ABLIM1: variants seen among roughly 807,000 people sequenced by gnomAD.
The protein encoded by ABLIM1 is actin binding LIM protein 1, also known as actin-binding LIM protein 1.
In ABLIM1, 40 loss-of-function variants were observed where a neutral mutation model predicts 107.0. That is an observed-to-expected ratio of 0.37 (90% CI 0.29 to 0.49). ABLIM1 has a LOEUF of 0.49. Ranked by LOEUF, ABLIM1 falls within the 20% of genes least tolerant of loss-of-function variation. The pLI is 0.97. For synonymous variants in ABLIM1, 357 were observed against 357.3 expected (o/e 1.00, Z 0.01); for missense variants, 857 against 1,008.5 (o/e 0.85, Z 2.04).
intron 8 of ABLIM1, among the ~76,000 whole-genome samples, chr10:114,482,835 A>G (rs924225520): frequency 1.3e-5 from 2 of 152,224 alleles, no homozygotes; most frequent in Non-Finnish European, 2.9e-5. Context: ...GGCAAACTAA[A>G]AAATTTCACA....
intron 6 of ABLIM1, among the ~76,000 whole-genome samples, chr10:114,542,589 G>GGAGGAA (rs1565882537): frequency 8.0e-5 from 12 of 150,008 alleles, no homozygotes; most frequent in Middle Eastern, 3.2e-3. Flanking sequence ...AGGAGGAGGA[G>GGAGGAA]GAAGGAGGAA....
At chr10:114,775,753 C>A in the ABLIM1 span, among the ~76,000 whole-genome samples, 1 of 152,186 alleles carries the variant, frequency 6.6e-6, no homozygotes, top group Non-Finnish European at 1.5e-5. Context: ...AACTCCAAAT[C>A]TAACATTTGT....
chr10:114,622,182 T>C (rs1467838071), intron 1 of ABLIM1, among the ~76,000 whole-genome samples: 1 of 151,710 alleles, frequency 6.6e-6, no homozygotes, highest in Non-Finnish European at 1.5e-5. Flanking sequence ...TCTCTCCCAT[T>C]CCCCATCAGA....
chr10:114,783,624 T>C, the ABLIM1 span, among the ~76,000 whole-genome samples: 1 of 151,288 alleles, frequency 6.6e-6, no homozygotes, highest in Non-Finnish European at 1.5e-5. Flanking sequence ...CAGGAGTGGG[T>C]GGTATTGAAT....
Position 114,701,978 on chromosome 10 carries a change from G to A in ABLIM1, c.-213+66083C>T, listed in dbSNP as rs563698077. Among the ~76,000 whole-genome samples, 5 of 152,248 alleles carry A rather than the reference G, an allele frequency of 3.3e-5. No individual in the cohort carries two copies. The South Asian group carries it at 8.3e-4, about 25-fold the overall frequency. ...GCAGAGTGTTGAAGCTGGGCGATGG[G>A]TACTTGAGGTTCATTATACTATTTT... On this transcript the variant is annotated intron_variant, in intron 1 of 15. Transcript: ENST00000651092.
intron 4 of ABLIM1, among the ~76,000 whole-genome samples, chr10:114,560,274 A>C (rs1476224524): frequency 6.7e-6 from 1 of 149,404 alleles, no homozygotes; most frequent in African/African-American, 2.5e-5. Flanking sequence ...ATGGATAAAC[A>C]AAATGTGATA....
At chr10:114,689,416 C>T (rs1332123553), upstream of ABLIM1, among the ~76,000 whole-genome samples, 11 of 143,446 alleles carry the variant, frequency 7.7e-5, no homozygotes, top group Admixed American at 6.4e-4. Context: ...GGCTGGAGTG[C>T]AGTGGCTCGA....
intron 1 of ABLIM1, among the ~76,000 whole-genome samples, chr10:114,748,471 A>G (rs1039364363): frequency 2.0e-5 from 3 of 152,004 alleles, no homozygotes; most frequent in Non-Finnish European, 2.9e-5. Context: ...GTTTTAATAT[A>G]GCCCTGAGTC....
intron 2 of ABLIM1, among the ~76,000 whole-genome samples, chr10:114,587,445 T>A (rs550686725): frequency 3.6e-4 from 55 of 152,320 alleles, no homozygotes; most frequent in African/African-American, 1.3e-3. Flanking sequence ...GATTTTTTTT[T>A]AATTTTCCAC....
Position 114,621,117 on chromosome 10 carries a change from C to T in ABLIM1, c.245-19156G>A, listed in dbSNP as rs80306995. ...CATACTTTATTGCTTCTGTTTTACCCACTTGAGTCCCTTTCTCGCCATCCT... is the reference window on the plus strand; with the variant it reads ...CATACTTTATTGCTTCTGTTTTACCTACTTGAGTCCCTTTCTCGCCATCCT... On this transcript the variant is annotated intron_variant, in intron 1 of 22. Coordinates refer to ENST00000533213, the MANE Select transcript of ABLIM1 (RefSeq NM_002313.7). 1.8e-4 allele frequency among the ~76,000 whole-genome samples: 27 copies of T among 152,336 alleles called. 1 individual carries two copies. The East Asian group carries it at 5.0e-3, about 28-fold the overall frequency.
intron 4 of ABLIM1, among the ~76,000 whole-genome samples, chr10:114,556,594 G>A (rs1591173989): frequency 6.6e-6 from 1 of 152,312 alleles, no homozygotes; most frequent in African/African-American, 2.4e-5. Flanking sequence ...GAGTTGGGCA[G>A]CAGTTTTGAC....
intron 4 of ABLIM1, among the ~76,000 whole-genome samples, chr10:114,570,080 C>G (rs1287693297): frequency 6.6e-6 from 1 of 152,144 alleles, no homozygotes; most frequent in Admixed American, 6.5e-5. Flanking sequence ...TTTATCTCAT[C>G]CTTACGTATT....
At chr10:114,760,415 CACACACACACACA>C (rs2082721097) in intron 1 of ABLIM1, among the ~76,000 whole-genome samples, 1 of 14,724 alleles carries the variant, frequency 6.8e-5, no homozygotes, top group Non-Finnish European at 1.9e-4. Context: ...CACACACACA[CACACACACACACA>C]CACACACACA....
intron 6 of ABLIM1, among the ~76,000 whole-genome samples, chr10:114,519,122 G>A (rs1171670716): frequency 1.3e-5 from 2 of 152,142 alleles, no homozygotes; most frequent in African/African-American, 4.8e-5. Context: ...TAGTTCAAGA[G>A]GCAGCCTGGG....
upstream of ABLIM1, among the ~76,000 whole-genome samples, chr10:114,686,528 A>G (rs1048594937): frequency 1.3e-5 from 2 of 151,844 alleles, no homozygotes; most frequent in African/African-American, 4.8e-5. Context: ...AAAAAACAAA[A>G]ACAAAAGAGG....
At chr10:114,791,480 T>C in the ABLIM1 span, among the ~76,000 whole-genome samples, 2 of 151,730 alleles carry the variant, frequency 1.3e-5, no homozygotes, top group Non-Finnish European at 2.9e-5. Flanking sequence ...CTACTAAAAA[T>C]ACAAAAAATT....
At chr10:114,467,988 T>A (rs1003233540) in intron 11 of ABLIM1, among the ~76,000 whole-genome samples, 193 bp downstream of exon 11, 1 of 152,178 alleles carries the variant, frequency 6.6e-6, no homozygotes. Flanking sequence ...TGGTCTCCAA[T>A]TTAAGAGAAA....
chr10:114,490,316 G>A (rs76445956), intron 7 of ABLIM1, among the ~76,000 whole-genome samples: 3,704 of 152,292 alleles, frequency 0.024, 129 homozygotes, highest in African/African-American at 0.081. Context: ...TCATTCTAAA[G>A]CCAAAAAGAA....
At chr10:114,470,093 G>A (rs1014017972) in intron 10 of ABLIM1, among the ~76,000 whole-genome samples, 10 of 152,172 alleles carry the variant, frequency 6.6e-5, no homozygotes, top group African/African-American at 2.4e-4. Flanking sequence ...TGGCTGCACA[G>A]AACTAATCTG....
Sources: allele counts gnomAD v4.1 joint callset (sites outside exome capture counted in the v4.1 genomes callset), GRCh38; gene constraint gnomAD v4.1.1; transcripts MANE v1.5; gene names NCBI Gene and HGNC (gene_info 2026-07-23, HGNC 2026-07-21).